PAX7: variants seen among roughly 807,000 people sequenced by gnomAD.
PAX7 encodes paired box protein Pax-7.
A neutral mutation model predicts 50.7 loss-of-function variants in PAX7; 18 were observed. The ratio of observed to expected loss-of-function variants is 0.36; its 90% CI spans 0.25 to 0.53. The LOEUF is 0.53. Ranked by LOEUF, PAX7 falls within the 20% of genes least tolerant of loss-of-function variation. The pLI is 0.93. For synonymous variants in PAX7, 310 were observed against 290.4 expected (o/e 1.07, Z -0.69); for missense variants, 644 against 702.9 (o/e 0.92, Z 0.95).
chr1:18,720,036 C>T (rs539609460), intron 7 of PAX7, among the ~76,000 whole-genome samples: 12 of 152,300 alleles, frequency 7.9e-5, no homozygotes, highest in East Asian at 7.7e-4. Flanking sequence ...ATGTTGGAAC[C>T]AAAACCCTTG....
At chr1:18,635,838 A>G (rs973501923) in intron 3 of PAX7, among the ~76,000 whole-genome samples, 2 of 150,356 alleles carry the variant, frequency 1.3e-5, no homozygotes, top group East Asian at 2.0e-4. Flanking sequence ...GTGTGTGTGT[A>G]CATGTGCATT....
rs74227602 is a variant in PAX7, at chr1:18,720,876, G to T, written c.1156-14756G>T. ...GAGAGAGATAAATCAAGAAGGCCAG[G>T]GATGATGGAGGGGGGACCCAGAGCT... On this transcript the variant is annotated intron_variant, in intron 7 of 8. Coordinates refer to ENST00000420770, the MANE Select transcript of PAX7 (RefSeq NM_001135254.2). 3.2e-3 allele frequency among the ~76,000 whole-genome samples: 489 copies of T among 152,152 alleles called. 11 individuals carry two copies. In the East Asian group the frequency reaches 0.061, roughly 19 times the overall value.
At chr1:18,694,314 C>T (rs377468595) in intron 5 of PAX7, among the ~76,000 whole-genome samples, 5 of 151,874 alleles carry the variant, frequency 3.3e-5, no homozygotes, top group South Asian at 2.1e-4. Context: ...ACAAAATTAG[C>T]CGGGCATGCT....
At chr1:18,680,062 T>C (rs2088875192) in intron 4 of PAX7, among the ~76,000 whole-genome samples, 1 of 152,194 alleles carries the variant, frequency 6.6e-6, no homozygotes, top group Non-Finnish European at 1.5e-5. Flanking sequence ...GGGTTGGTAC[T>C]ATTCTTGTCC....
chr1:18,662,926 A>AT, intron 4 of PAX7, among the ~76,000 whole-genome samples: 1 of 147,766 alleles, frequency 6.8e-6, no homozygotes, highest in Non-Finnish European at 1.5e-5. Context: ...AAAAAAAAAA[A>AT]CCTCAAACAC....
chr1:18,718,705 C>G (rs924913271), intron 7 of PAX7, among the ~76,000 whole-genome samples: 2 of 151,480 alleles, frequency 1.3e-5, no homozygotes, highest in Non-Finnish European at 2.9e-5. Context: ...TTCAGTGGCT[C>G]GATCTCAGCT....
intron 4 of PAX7, among the ~76,000 whole-genome samples, chr1:18,642,787 C>T (rs944818138): frequency 1.3e-5 from 2 of 151,882 alleles, no homozygotes; most frequent in Non-Finnish European, 2.9e-5. Flanking sequence ...CAAGGCAGAA[C>T]GGTGACCTAA....
At position 18,735,079 on chromosome 1, in the gene PAX7, G is replaced by A. The variant is rs993120940; in HGVS notation, c.1156-553G>A. Among the ~76,000 whole-genome samples the A allele has an allele frequency of 1.1e-4, 16 of 152,198 alleles. No individual in the cohort carries two copies. Among genetic ancestry groups the A allele is most frequent in the African/African-American group, 3.6e-4 (15 of 41,448 alleles). ...AGGCTCTTTGAAAGCATTGGCTGTG[G>A]GCTTCAGTGTCGAAGGGGCAGGAAC... On this transcript the variant is annotated intron_variant, in intron 7 of 8. Transcript: ENST00000420770. This position sits in a 1 kb window ranked among gnomAD's most constrained non-coding sequence, Gnocchi z 4.0.
chr1:18,702,533 G>A (rs35203407), intron 6 of PAX7, among the ~76,000 whole-genome samples: 12,233 of 152,010 alleles, frequency 0.08, 600 homozygotes, highest in Non-Finnish European at 0.1. Flanking sequence ...CCCAGAGAGC[G>A]CAGAATAACA....
chr1:18,686,935 G>A (rs1204018860), intron 4 of PAX7, among the ~76,000 whole-genome samples: 3 of 146,832 alleles, frequency 2.0e-5, no homozygotes, highest in African/African-American at 5.0e-5. Flanking sequence ...CTGTTGCCCT[G>A]GGGGACATGC....
chr1:18,642,715 T>C (rs1442327150), intron 4 of PAX7, among the ~76,000 whole-genome samples: 3 of 151,896 alleles, frequency 2.0e-5, no homozygotes, highest in Admixed American at 1.3e-4. Flanking sequence ...TCTGGAGCGA[T>C]TGGCCCCGGC....
At chr1:18,724,241 CT>C (rs1388558913) in intron 7 of PAX7, among the ~76,000 whole-genome samples, 1 of 103,186 alleles carries the variant, frequency 9.7e-6, no homozygotes, top group Non-Finnish European at 2.0e-5. Flanking sequence ...GGCCTCCCTG[CT>C]CTGTCTTCCA....
chr1:18,736,270 G>A (rs2089712368), intron 8 of PAX7: 2 of 425,348 alleles, frequency 4.7e-6, no homozygotes, highest in Admixed American at 4.1e-5. Flanking sequence ...TTCAAGACCA[G>A]CCTGGTCAAC....
Position 18,700,845 on chromosome 1 carries a change from T to A in PAX7, c.952+27T>A, listed in dbSNP as rs1249196572. 5.0e-6 allele frequency: 7 copies of A among 1,398,118 alleles called. No homozygotes were observed. Among genetic ancestry groups the A allele is most frequent in the Non-Finnish European group, 6.6e-6 (7 of 1,066,746 alleles). 86.6% of individuals were successfully genotyped at this position (1,398,118 alleles called of 1,614,324 possible). A position where few individuals can be genotyped will look rare whatever the true frequency, so the allele number is the denominator to read the frequency against. On this transcript the variant is annotated intron_variant, in intron 6 of 8. Coordinates refer to ENST00000420770, the MANE Select transcript of PAX7 (RefSeq NM_001135254.2). This position sits in a 1 kb window ranked among gnomAD's most constrained non-coding sequence, Gnocchi z 4.8. ...TGAGTGTCTTGGCCCCGTCCTGCCA[T>A]CTCAGTGGTGCCCCTTCCCTTCTTT...
intron 4 of PAX7, among the ~76,000 whole-genome samples, chr1:18,671,823 A>G (rs968334439): frequency 6.6e-6 from 1 of 151,818 alleles, no homozygotes; most frequent in Admixed American, 6.6e-5. Flanking sequence ...AAAAAAATTA[A>G]AAAATGAGCC....
In PAX7 at chr1:18,712,986, G is replaced by C. The variant is rs193069760; in HGVS notation, c.1155+9690G>C. ...AATCCCAGCTACTTGGGAGGCTGAG[G>C]GGGGAGGATCGTTTGAATCCAGGAG... On this transcript the variant is annotated intron_variant, in intron 7 of 8. Coordinates refer to ENST00000420770, the MANE Select transcript of PAX7 (RefSeq NM_001135254.2). Among the ~76,000 whole-genome samples, 877 of 152,290 alleles carry C rather than the reference G, an allele frequency of 5.8e-3. 9 individuals are homozygous for C. The highest frequency in any genetic ancestry group is 0.02 in the African/African-American group (846 of 41,542).
At chr1:18,644,477 A>G (rs1005337891) in intron 4 of PAX7, among the ~76,000 whole-genome samples, 21 of 152,156 alleles carry the variant, frequency 1.4e-4, no homozygotes, top group Admixed American at 7.9e-4. Context: ...CGAAAAAATA[A>G]TTCTAAAACC....
At chr1:18,720,152 C>T (rs913932995) in intron 7 of PAX7, among the ~76,000 whole-genome samples, 19 of 152,208 alleles carry the variant, frequency 1.2e-4, no homozygotes, top group African/African-American at 4.1e-4. Flanking sequence ...TTAACGAGGT[C>T]CCTCCAAGGC....
intron 4 of PAX7, among the ~76,000 whole-genome samples, chr1:18,671,813 A>T (rs939272422): frequency 4.8e-4 from 73 of 151,910 alleles, no homozygotes; most frequent in Admixed American, 2.1e-3. Context: ...ATAAAAAAAA[A>T]AAAAAATTAA....
Sources: gnomAD v4.1 joint callset for allele counts (sites outside exome capture counted in the v4.1 genomes callset) on GRCh38, gnomAD v4.1.1 for gene constraint, Gnocchi (gnomAD v3.1) non-coding constraint, MANE v1.5 for transcripts, NCBI Gene and HGNC (gene_info 2026-07-23, HGNC 2026-07-21) for gene names.